The following NUP188 variants were observed in gnomAD, a reference collection of about 807,000 sequenced individuals.
NUP188 encodes nucleoporin NUP188.
A neutral mutation model predicts 223.0 loss-of-function variants in NUP188; 97 were observed. That is an observed-to-expected ratio of 0.43 (90% confidence interval 0.37 to 0.51). The LOEUF is 0.51. Among genes scored for constraint, NUP188 ranks in the 20% least tolerant of loss-of-function variants. The pLI is 0.00. For missense variants in NUP188, 1,947 were observed against 2,175.6 expected (o/e 0.89, Z 2.09); for synonymous variants, 869 against 828.0 (o/e 1.05, Z -0.85).
In NUP188 at chr9:129,001,709, A is replaced by T; in HGVS notation, c.4024A>T (p.Thr1342Ser). 1 of 1,613,546 alleles carries T rather than the reference A, an allele frequency of 6.2e-7. No individual in the cohort carries two copies. The highest frequency in any genetic ancestry group is 8.5e-7 in the Non-Finnish European group (1 of 1,179,878). The change falls in exon 35 of 44, where the codon ACC (threonine) becomes TCC (serine). Residue 1342 changes from threonine (T) to serine (S), a missense_variant. Physicochemically the swap from Thr to Ser is moderately conservative, Grantham distance 58. Around this residue, in one of 3 missense-constraint regions of NUP188, gnomAD observed 905 missense variants for 990.6 expected, o/e 0.91. Coordinates refer to ENST00000372577, the MANE Select transcript of NUP188 (RefSeq NM_015354.3). ...TGAGGCCACATTGCATCTGCTCCTC[A>T]CCCTGGCTCGCACTCAGCAGGTAGG... The part of the protein sequence containing the change: ...FTEATLHLLL[T>S]LARTQQGATA...
intron 25 of NUP188, among the ~76,000 whole-genome samples, chr9:128,991,345 G>A (rs944192905): frequency 8.6e-5 from 13 of 151,656 alleles, no homozygotes; most frequent in Admixed American, 2.0e-4. Flanking sequence ...CAAGACCAGC[G>A]TGGCCAAGAT....
Position 128,986,921 on chromosome 9 carries a change from A to G in NUP188, c.2264+46A>G, listed in dbSNP as rs750047826. The G allele has an allele frequency of 3.8e-6, 6 of 1,563,236 alleles. No homozygotes were observed. The Admixed American group carries it at 1.0e-4, about 26-fold the overall frequency. On this transcript the variant is annotated intron_variant, in intron 22 of 43. Transcript: ENST00000372577. ...AGAGCTTGGTGCTCGCCAAGGCAAG[A>G]CACGGGCTTTTGCTGTGCAAAGCCG...
At chr9:128,969,117 A>G (rs914332573) in intron 9 of NUP188, among the ~76,000 whole-genome samples, 2 of 152,190 alleles carry the variant, frequency 1.3e-5, no homozygotes, top group African/African-American at 2.4e-5. Context: ...GGATATATCC[A>G]TAACTGGGGG....
intron 8 of NUP188, among the ~76,000 whole-genome samples, chr9:128,966,260 C>CTGTGTG (rs10616823): frequency 1.6e-4 from 23 of 139,652 alleles, no homozygotes; most frequent in Non-Finnish European, 2.8e-4. Flanking sequence ...GTCTCTGTGT[C>CTGTGTG]TGTGTGTGTG....
chr9:128,952,290 T>C (rs891787755), intron 2 of NUP188, among the ~76,000 whole-genome samples: 1 of 151,000 alleles, frequency 6.6e-6, no homozygotes, highest in Non-Finnish European at 1.5e-5. Flanking sequence ...TCCCATCTGC[T>C]CAGGAGGCTG....
rs1588276107 is a variant in NUP188, at chr9:128,970,673, G to A, written c.913-85G>A. 2.0e-5 allele frequency: 23 copies of A among 1,127,672 alleles called. No individual in the cohort carries two copies. In the South Asian group the frequency reaches 3.0e-4, roughly 15 times the overall value. 69.9% of individuals were successfully genotyped at this position (1,127,672 alleles called of 1,614,324 possible). A position where few individuals can be genotyped will look rare whatever the true frequency, so the allele number is the denominator to read the frequency against. On this transcript the variant is annotated intron_variant, in intron 10 of 43. Coordinates refer to ENST00000372577, the MANE Select transcript of NUP188 (RefSeq NM_015354.3). ...AGAGTGAGGCCACTCTTTATGGCTTGCTTATTGAGCGTGATGAAGAATCTG... is the reference window on the plus strand; with the variant it reads ...AGAGTGAGGCCACTCTTTATGGCTTACTTATTGAGCGTGATGAAGAATCTG...
intron 29 of NUP188, 81 bp downstream of exon 29, chr9:128,995,004 G>C: frequency 9.7e-7 from 1 of 1,030,866 alleles, no homozygotes; most frequent in Non-Finnish European, 1.5e-6. Flanking sequence ...TGCATGGCTG[G>C]AAGAGCCAAG....
At position 128,993,714 on chromosome 9, in the gene NUP188, T is replaced by C; in HGVS notation, c.3017+20T>C. ...AACCAAGTAAGTCTGCCTCTGGGAG[T>C]AGTTTCATTGTTCTGGTCTATAAAA... On this transcript the variant is annotated intron_variant, in intron 27 of 43. Transcript: ENST00000372577. The C allele has an allele frequency of 6.2e-7, 1 of 1,610,696 alleles. No individual in the cohort carries two copies. The highest frequency in any genetic ancestry group is 8.5e-7 in the Non-Finnish European group (1 of 1,178,026).
chr9:128,959,427 C>T (rs146286782), intron 8 of NUP188, among the ~76,000 whole-genome samples: 50 of 151,516 alleles, frequency 3.3e-4, no homozygotes, highest in African/African-American at 9.0e-4. Flanking sequence ...CAAGTGTGAG[C>T]GACTACACCT....
At chr9:128,977,173 G>T (rs1415368815) in intron 12 of NUP188, among the ~76,000 whole-genome samples, 2 of 148,478 alleles carry the variant, frequency 1.3e-5, no homozygotes, top group Admixed American at 1.4e-4. Context: ...AGGCTGGAGT[G>T]CAGTGGCGCG....
chr9:128,982,131 T>A (rs1448978731), intron 15 of NUP188, among the ~76,000 whole-genome samples: 5 of 151,202 alleles, frequency 3.3e-5, no homozygotes, highest in African/African-American at 1.2e-4. Context: ...GTATTTTAGT[T>A]GAAAAAGCTT....
chr9:128,997,032 G>T (rs1412622228), intron 30 of NUP188, among the ~76,000 whole-genome samples: 1 of 152,212 alleles, frequency 6.6e-6, no homozygotes, highest in East Asian at 1.9e-4. Context: ...TTCAGATAGT[G>T]ATAATTTGCT....
intron 12 of NUP188, among the ~76,000 whole-genome samples, chr9:128,978,625 C>G (rs1015130883): frequency 1.3e-5 from 2 of 150,392 alleles, no homozygotes; most frequent in African/African-American, 2.4e-5. Flanking sequence ...TTCTTGCACT[C>G]TAGTCTGGGT....
rs1841813174 is a variant in NUP188, at chr9:128,952,847, G to T, written c.161+1G>T. On this transcript the variant is annotated splice_donor_variant, in intron 3 of 43. Transcript: ENST00000372577. LOFTEE classifies it high-confidence loss of function. ...GGCTTTCTTACTACAAACCTCCCAG[G>T]TATGGCAGTTCCGGGTGTCTGGTTA... is the stretch of plus-strand genomic sequence containing the variant. 1 of 1,612,174 alleles carries T rather than the reference G, an allele frequency of 6.2e-7. No homozygotes were observed. The highest frequency in any genetic ancestry group is 8.5e-7 in the Non-Finnish European group (1 of 1,178,340).
rs1161864223 is a variant in NUP188 at position 128,999,843 on chromosome 9, C to T, written c.3843+38C>T. ...CCTAGAAGGCCATCCGTCCTTTCCA[C>T]TGCCCGCCAGCTCTGTGCCTGACTC... On this transcript the variant is annotated intron_variant, in intron 34 of 43. Coordinates refer to ENST00000372577, the MANE Select transcript of NUP188 (RefSeq NM_015354.3). 6 of 1,591,672 alleles carry T rather than the reference C, an allele frequency of 3.8e-6. No individual in the cohort carries two copies. In the African/African-American group the frequency reaches 8.0e-5, roughly 21 times the overall value.
intron 8 of NUP188, among the ~76,000 whole-genome samples, chr9:128,967,529 G>A (rs148271324): frequency 1.3e-5 from 2 of 152,158 alleles, no homozygotes; most frequent in East Asian, 3.9e-4. Context: ...GGTGGCTCAC[G>A]CCTGTAATCC....
chr9:128,961,707 C>T (rs548269113), intron 8 of NUP188, among the ~76,000 whole-genome samples: 18 of 150,968 alleles, frequency 1.2e-4, no homozygotes, highest in South Asian at 2.1e-4. Flanking sequence ...CCACAACCTC[C>T]GCCTCCCAGG....
At chr9:129,005,079 G>A (rs1417699714) in intron 38 of NUP188, 68 bp from the exon 39 acceptor site, 1 of 1,126,106 alleles carries the variant, frequency 8.9e-7, no homozygotes, top group African/African-American at 1.5e-5. Context: ...AGGGCTATTG[G>A]GTTGGTCTGG....
In NUP188 at chr9:128,981,371, C is replaced by A. The variant is rs1455003222; in HGVS notation, c.1497C>A (p.Pro499=). Residue 499 remains proline, a synonymous_variant, in exon 15 of 44, where the codon CCC becomes CCA. Transcript: ENST00000372577. ...GAACTCTTTGGCGGAGACAAACACC[C>A]AAACTCCTTTATCCCCTTGGTGAGA... The part of the protein sequence containing the change: ...EDGTLWRRQT[P]KLLYPLGGQT... 1 of 1,613,602 alleles carries A rather than the reference C, an allele frequency of 6.2e-7. No individual in the cohort carries two copies. The highest frequency in any genetic ancestry group is 1.7e-5 in the Admixed American group (1 of 59,946).
Sources: allele counts gnomAD v4.1 joint callset (sites outside exome capture counted in the v4.1 genomes callset), GRCh38; gene constraint gnomAD v4.1.1; regional missense constraint gnomAD v4.1.1; transcripts MANE v1.5; gene names NCBI Gene and HGNC (gene_info 2026-07-23, HGNC 2026-07-21).